CASP10: variants seen among roughly 807,000 people sequenced by gnomAD.
CASP10 encodes caspase-10.
In CASP10, 41 loss-of-function variants were observed where a neutral mutation model predicts 48.5. That is an observed-to-expected ratio of 0.85 (90% CI 0.66 to 1.10). The LOEUF (loss-of-function observed/expected upper bound fraction) is 1.10. CASP10 is among the 50% of genes least tolerant of loss of function. The probability of loss-of-function intolerance (pLI) is 0.00; values close to 1 mark genes in which losing one functional copy is unlikely to be tolerated. For missense variants in CASP10, 614 were observed against 614.5 expected (o/e 1.00, Z 0.01); for synonymous variants, 232 against 238.4 (o/e 0.97, Z 0.25).
At chr2:201,193,202 G>C in intron 4 of CASP10, 83 bp downstream of exon 4, 1 of 1,320,872 alleles carries the variant, frequency 7.6e-7, no homozygotes. Flanking sequence ...TTGATTATTT[G>C]TTTTGTTTTG....
At chr2:201,229,161 A>G in exon 10 of CASP10, 1 of 1,570,210 alleles carries the variant, frequency 6.4e-7, no homozygotes, top group Non-Finnish European at 8.8e-7. Context: ...CAAGACGGAA[A>G]CCTCCCTTTA....
At chr2:201,184,344 G>A (rs1944336609) in intron 1 of CASP10, among the ~76,000 whole-genome samples, 1 of 151,686 alleles carries the variant, frequency 6.6e-6, no homozygotes, top group Non-Finnish European at 1.5e-5. Context: ...TTGTTTTTGA[G>A]GCAGGGTCTT....
intron 1 of CASP10, among the ~76,000 whole-genome samples, chr2:201,184,516 G>GT (rs1052108683): frequency 6.7e-4 from 102 of 152,220 alleles, no homozygotes; most frequent in African/African-American, 2.2e-3. Flanking sequence ...TAGAGATGGG[G>GT]TTTTACCACG....
chr2:201,184,983 A>G (rs189515985), intron 1 of CASP10, among the ~76,000 whole-genome samples: 34 of 152,040 alleles, frequency 2.2e-4, no homozygotes, highest in Admixed American at 1.6e-3. Flanking sequence ...GAGGTCTAGG[A>G]TATTTTATTT....
At chr2:201,214,797 G>A (rs950182780) in intron 9 of CASP10, 2 of 152,036 alleles carry the variant, frequency 1.3e-5, no homozygotes, top group African/African-American at 4.8e-5. Flanking sequence ...AGGGTGAAGT[G>A]TATATTTAAA....
chr2:201,224,911 T>G (rs1945768761), downstream of CASP10, among the ~76,000 whole-genome samples: 1 of 152,228 alleles, frequency 6.6e-6, no homozygotes, highest in African/African-American at 2.4e-5. Flanking sequence ...AATTCTATTT[T>G]GCTATGTATT....
rs1400269615 is a variant in CASP10, at chr2:201,215,221, T to G, written c.1416-2367T>G. 6.2e-5 allele frequency among the ~76,000 whole-genome samples: 9 copies of G among 146,074 alleles called. No individual in the cohort carries two copies. The East Asian group carries it at 1.2e-3, about 19-fold the overall frequency. ...TTGTCTCTTCCCTCGGTTTTTTTTT[T>G]TTTTTTTTTTTTTTTGCCGTGCAAA... On this transcript the variant is annotated intron_variant, in intron 9 of 9. Coordinates refer to ENST00000286186, the MANE Select transcript of CASP10 (RefSeq NM_032977.4).
chr2:201,197,467 TA>T (rs1179060466), intron 5 of CASP10, among the ~76,000 whole-genome samples: 1 of 152,088 alleles, frequency 6.6e-6, no homozygotes, highest in Non-Finnish European at 1.5e-5. Flanking sequence ...ATACCAAAAT[TA>T]GCTGGGCGTG....
chr2:201,203,680 C>T (rs771685318), intron 5 of CASP10, 50 bp from the exon 6 acceptor site: 15 of 1,537,104 alleles, frequency 9.8e-6, no homozygotes, highest in Non-Finnish European at 1.4e-5. Context: ...GTTCCTCATC[C>T]TAACTGTGTG....
At chr2:201,189,725 T>A (rs1944540854) in intron 3 of CASP10, among the ~76,000 whole-genome samples, 1 of 152,186 alleles carries the variant, frequency 6.6e-6, no homozygotes. Context: ...AGGCTGGGCA[T>A]GGTGGCTCAT....
chr2:201,225,104 G>T (rs1019242217), downstream of CASP10, among the ~76,000 whole-genome samples: 1 of 152,028 alleles, frequency 6.6e-6, no homozygotes, highest in Non-Finnish European at 1.5e-5. Flanking sequence ...ATTCCATCTT[G>T]CTTCTTCTAG....
chr2:201,213,487 T>C (rs1945468483), intron 9 of CASP10: 1 of 152,104 alleles, frequency 6.6e-6, no homozygotes, highest in East Asian at 1.9e-4. Flanking sequence ...ATAAGCATGA[T>C]GGTAGTGTTT....
Position 201,217,633 on chromosome 2 carries a change from G to A in CASP10, c.1461G>A (p.Val487=), listed in dbSNP as rs777404799. Residue 487 remains valine, a synonymous_variant, in exon 10 of 10, where the codon GTG becomes GTA. Coordinates refer to ENST00000286186, the MANE Select transcript of CASP10 (RefSeq NM_032977.4). ...TCCTCACTGCTGTCAACGATGATGT[G>A]AGTCGAAGAGTGGACAAACAGGGAA... ...LSILTAVNDD[V]SRRVDKQGTK... The A allele has an allele frequency of 1.2e-6, 2 of 1,614,184 alleles. No individual in the cohort carries two copies. Among genetic ancestry groups the A allele is most frequent in the South Asian group, 2.2e-5 (2 of 91,078 alleles).
chr2:201,196,914 T>C (rs988389966), intron 5 of CASP10, among the ~76,000 whole-genome samples: 5 of 152,192 alleles, frequency 3.3e-5, no homozygotes, highest in African/African-American at 1.2e-4. Context: ...GGGTACCTCA[T>C]ATAAGTAGAA....
chr2:201,186,954 C>G (rs749532391), intron 2 of CASP10, among the ~76,000 whole-genome samples: 1 of 152,190 alleles, frequency 6.6e-6, no homozygotes, highest in Non-Finnish European at 1.5e-5. Flanking sequence ...TCCCAAAGTG[C>G]TGGGATTATA....
chr2:201,186,408 T>C (rs748498231), intron 2 of CASP10: 2 of 428,514 alleles, frequency 4.7e-6, no homozygotes, highest in Non-Finnish European at 8.7e-6. Context: ...GCCCGTGTTT[T>C]CCCTGCTTAC....
At position 201,218,444 on chromosome 2, in the gene CASP10, A is replaced by C; in HGVS notation, c.*703A>C. On this transcript the variant is annotated 3_prime_UTR_variant, in exon 10 of 10. Transcript: ENST00000286186. ...CAGCCTCCCAAGTAGCTGAGACTAC[A>C]GGTGTGTGTCCATGCACAGCTAACT... The C allele has an allele frequency of 1.5e-6, 1 of 674,198 alleles. No individual in the cohort carries two copies. Among genetic ancestry groups the C allele is most frequent in the Non-Finnish European group, 1.8e-6 (1 of 546,062 alleles). The allele number at this position is 674,198 out of a possible 1,614,324, so 41.8% of individuals were successfully genotyped here. A position where few individuals can be genotyped will look rare whatever the true frequency, so the allele number is the denominator to read the frequency against.
chr2:201,219,420 C>G lies in CASP10; in HGVS notation c.*1679C>G. The G allele has an allele frequency of 1.0e-6, 1 of 985,308 alleles. No homozygotes were observed. Among genetic ancestry groups the G allele is most frequent in the South Asian group, 4.7e-5 (1 of 21,288 alleles). The allele number at this position is 985,308 out of a possible 1,614,324, so 61.0% of individuals were successfully genotyped here. On this transcript the variant is annotated 3_prime_UTR_variant, in exon 10 of 10. Transcript: ENST00000286186. ...CACTGGCTTCAGGCAAAGCTTGAATCAGGACTCAATCTACAGGCCAGCACC... is the reference window on the plus strand; with the variant it reads ...CACTGGCTTCAGGCAAAGCTTGAATGAGGACTCAATCTACAGGCCAGCACC...
rs759026116 is a variant in CASP10, at chr2:201,195,852, A to G, written c.588A>G (p.Ile196Met). The change falls in exon 5 of 10, where the codon ATA becomes ATG. Residue 196 changes from isoleucine (I) to methionine (M), a missense_variant. Transcript: ENST00000286186. The stretch of plus-strand genomic sequence containing the variant: ...TGATTTTATTTTCAGCTATCCAGAT[A>G]GTGACACCTCCTGTAGACAAGGAAG... ...EKYKREKAIQIVTPPVDKEAE... is the reference protein window; with the variant it reads ...EKYKREKAIQMVTPPVDKEAE... 1 of 1,611,432 alleles carries G rather than the reference A, an allele frequency of 6.2e-7. No individual in the cohort carries two copies.
Sources: allele counts gnomAD v4.1 joint callset (sites outside exome capture counted in the v4.1 genomes callset), GRCh38; gene constraint gnomAD v4.1.1; transcripts MANE v1.5; gene names NCBI Gene and HGNC (gene_info 2026-07-23, HGNC 2026-07-21).